PLGRKT: variants seen among roughly 807,000 people sequenced by gnomAD.
The protein encoded by PLGRKT is plasminogen receptor with a C-terminal lysine, also known as plasminogen receptor (KT).
A neutral mutation model predicts 18.5 loss-of-function variants in PLGRKT; 22 were observed. The observed-to-expected ratio is 1.19, with a 90% CI of 0.85 to 1.70. The LOEUF (loss-of-function observed/expected upper bound fraction) is 1.70, where lower values mean the gene tolerates loss of function less well. Among genes scored for constraint, PLGRKT ranks in the 40% most tolerant of loss-of-function variants. PLGRKT has a pLI of 0.00. For missense variants in PLGRKT, 235 were observed against 174.4 expected (o/e 1.35, Z -1.96); for synonymous variants, 72 against 52.8 (o/e 1.36, Z -1.58).
At chr9:5,397,490 T>C (rs575678582) in intron 3 of PLGRKT, among the ~76,000 whole-genome samples, 6 of 150,920 alleles carry the variant, frequency 4.0e-5, no homozygotes, top group Non-Finnish European at 7.4e-5. Context: ...TCACCTTAGA[T>C]AGGTGTTCAT....
At chr9:5,388,556 T>C (rs1369207998) in intron 3 of PLGRKT, among the ~76,000 whole-genome samples, 3 of 152,006 alleles carry the variant, frequency 2.0e-5, no homozygotes, top group Non-Finnish European at 4.4e-5. Context: ...TTTCACTCTT[T>C]CCCCAGCCCT....
chr9:5,429,788 T>C (rs756807675), intron 3 of PLGRKT, among the ~76,000 whole-genome samples: 2 of 152,196 alleles, frequency 1.3e-5, no homozygotes, highest in Non-Finnish European at 2.9e-5. Flanking sequence ...AGGAGACACA[T>C]TTCAACCCAT....
intron 3 of PLGRKT, among the ~76,000 whole-genome samples, chr9:5,430,760 A>G (rs1305816205): frequency 1.3e-5 from 2 of 152,246 alleles, no homozygotes; most frequent in African/African-American, 4.8e-5. Flanking sequence ...TCCCAGAGCC[A>G]TAATGGGCCA....
intron 3 of PLGRKT, among the ~76,000 whole-genome samples, chr9:5,404,594 C>T (rs1818220455): frequency 1.3e-5 from 2 of 152,170 alleles, no homozygotes; most frequent in African/African-American, 4.8e-5. Context: ...ATGTTAAAAA[C>T]TCTTAATAAA....
Position 5,418,762 on chromosome 9 carries a change from G to T in PLGRKT, c.81+13135C>A. On this transcript the variant is annotated intron_variant, in intron 3 of 5. Transcript: ENST00000223864. This position sits in a 1 kb window ranked among gnomAD's most constrained non-coding sequence, Gnocchi z 4.2. ...AATGGTGATGACAGCCAGGACCTCG[G>T]GGTCGTCGAGGAGCTGCGACACGGA... 1.4e-6 allele frequency: 1 copy of T among 716,030 alleles called. No homozygotes were observed. Among genetic ancestry groups the T allele is most frequent in the East Asian group, 2.7e-5 (1 of 36,976 alleles). 44.4% of individuals were successfully genotyped at this position (716,030 alleles called of 1,614,324 possible).
chr9:5,425,478 C>T (rs1303441280), intron 3 of PLGRKT, among the ~76,000 whole-genome samples: 1 of 152,156 alleles, frequency 6.6e-6, no homozygotes, highest in African/African-American at 2.4e-5. Flanking sequence ...GATTTAATTT[C>T]GTTTCCTGAT....
intron 3 of PLGRKT, among the ~76,000 whole-genome samples, chr9:5,412,354 G>C (rs1448345555): frequency 6.6e-6 from 1 of 152,196 alleles, no homozygotes; most frequent in Non-Finnish European, 1.5e-5. Context: ...AAGTTGCTAT[G>C]GTTTGAATGT....
intron 3 of PLGRKT, among the ~76,000 whole-genome samples, chr9:5,368,480 A>C (rs941922375): frequency 4.6e-5 from 7 of 152,188 alleles, no homozygotes; most frequent in African/African-American, 1.4e-4. Flanking sequence ...TTAACAAAGG[A>C]ACAGGAAGCC....
rs960257705 is a variant in PLGRKT, at chr9:5,382,080, G to C, written c.82-20192C>G. The C allele has an allele frequency of 8.5e-6, 7 of 826,094 alleles. No homozygotes were observed. In the African/African-American group the frequency reaches 1.1e-4, roughly 13 times the overall value. 51.2% of individuals were successfully genotyped at this position (826,094 alleles called of 1,614,324 possible). A position where few individuals can be genotyped will look rare whatever the true frequency, so the allele number is the denominator to read the frequency against. On this transcript the variant is annotated intron_variant, in intron 3 of 5. Transcript: ENST00000223864. ...TCACAACTTTCCTGTTTTATTCTTA[G>C]AGAAATTCAGAATTATTCCTATAAT... is the stretch of plus-strand genomic sequence containing the variant.
chr9:5,424,689 T>TATATATATATATACAC (rs1563790070), intron 3 of PLGRKT, among the ~76,000 whole-genome samples: 18 of 70,860 alleles, frequency 2.5e-4, no homozygotes, highest in African/African-American at 8.2e-4. Flanking sequence ...TATATATATA[T>TATATATATATATACAC]ATACACACAG....
intron 3 of PLGRKT, among the ~76,000 whole-genome samples, chr9:5,381,033 TCTC>T (rs1015512214): frequency 3.9e-5 from 6 of 152,324 alleles, no homozygotes; most frequent in African/African-American, 1.4e-4. Context: ...GTGCGTTGTT[TCTC>T]CTTCACCTTC....
At chr9:5,377,658 G>A (rs929553093) in intron 3 of PLGRKT, among the ~76,000 whole-genome samples, 2 of 152,168 alleles carry the variant, frequency 1.3e-5, no homozygotes, top group African/African-American at 4.8e-5. Context: ...GCAGACTCTA[G>A]GGAGGACTAT....
At chr9:5,427,058 G>A (rs1219313042) in intron 3 of PLGRKT, among the ~76,000 whole-genome samples, 1 of 152,020 alleles carries the variant, frequency 6.6e-6, no homozygotes. Context: ...AGTTACCCAT[G>A]GTCAACCTCA....
chr9:5,397,560 GGAAA>G (rs1355719429), intron 3 of PLGRKT, among the ~76,000 whole-genome samples: 6 of 151,460 alleles, frequency 4.0e-5, no homozygotes, highest in Non-Finnish European at 8.8e-5. Context: ...AGGGAGGGAA[GGAAA>G]GAAAGAAGGG....
intron 3 of PLGRKT, among the ~76,000 whole-genome samples, chr9:5,390,188 C>A (rs916852060): frequency 6.6e-6 from 1 of 150,816 alleles, no homozygotes; most frequent in Non-Finnish European, 1.5e-5. Flanking sequence ...TAATTCAGTT[C>A]TTCTGTGTGA....
At chr9:5,424,841 G>A (rs570937678) in intron 3 of PLGRKT, among the ~76,000 whole-genome samples, 6 of 150,664 alleles carry the variant, frequency 4.0e-5, no homozygotes, top group South Asian at 4.2e-4. Flanking sequence ...CTCATCTTTC[G>A]TGTTGTTTTG....
At chr9:5,393,864 T>A (rs144718110) in intron 3 of PLGRKT, among the ~76,000 whole-genome samples, 3 of 151,904 alleles carry the variant, frequency 2.0e-5, no homozygotes, top group East Asian at 3.8e-4. Flanking sequence ...ATTTTTAAGA[T>A]TGGCAATAAG....
intron 3 of PLGRKT, among the ~76,000 whole-genome samples, chr9:5,412,261 A>T (rs1452674398): frequency 6.6e-6 from 1 of 152,212 alleles, no homozygotes; most frequent in African/African-American, 2.4e-5. Flanking sequence ...GAAAAAGATA[A>T]AACTAGATCC....
chr9:5,363,594 C>A (rs1431113498), intron 3 of PLGRKT, among the ~76,000 whole-genome samples: 2 of 152,152 alleles, frequency 1.3e-5, no homozygotes, highest in African/African-American at 2.4e-5. Flanking sequence ...ACCATTTATG[C>A]TCTGCAGTAC....
Sources: allele counts gnomAD v4.1 joint callset (sites outside exome capture counted in the v4.1 genomes callset), GRCh38; gene constraint gnomAD v4.1.1; non-coding constraint Gnocchi (gnomAD v3.1); transcripts MANE v1.5; gene names NCBI Gene and HGNC (gene_info 2026-07-23, HGNC 2026-07-21).